NEIL3: variants seen among roughly 807,000 people sequenced by gnomAD.
NEIL3 encodes the protein nei like DNA glycosylase 3, also known as endonuclease 8-like 3.
NEIL3 carries 48 observed loss-of-function variants against 57.5 expected under a neutral mutation model. That is an observed-to-expected ratio of 0.83 (90% CI 0.66 to 1.06). The LOEUF (loss-of-function observed/expected upper bound fraction) is 1.06. NEIL3 is among the 50% of genes least tolerant of loss of function. NEIL3 has a pLI of 0.00. For synonymous variants in NEIL3, 261 were observed against 253.2 expected, an observed-to-expected ratio of 1.03 and a Z score of -0.29; for missense variants, 717 against 739.1, an observed-to-expected ratio of 0.97 and a Z score of 0.35.
chr4:177,358,191 G>T (rs66521171), intron 8 of NEIL3, among the ~76,000 whole-genome samples: 2 of 152,108 alleles, frequency 1.3e-5, no homozygotes, highest in Non-Finnish European at 2.9e-5. Flanking sequence ...CAGGAGTAGG[G>T]GTGGATATGT....
intron 1 of NEIL3, among the ~76,000 whole-genome samples, chr4:177,320,063 A>G (rs963888472): frequency 6.6e-6 from 1 of 152,202 alleles, no homozygotes; most frequent in East Asian, 1.9e-4. Context: ...TGCTTTGTAT[A>G]TCATCATCTT....
At chr4:177,336,077 T>A in intron 3 of NEIL3, 31 bp from the exon 4 acceptor site, 1 of 1,520,868 alleles carries the variant, frequency 6.6e-7, no homozygotes, top group South Asian at 1.1e-5. Flanking sequence ...ACCAGACTTA[T>A]GATTAATGTG....
At chr4:177,317,890 AC>A (rs1402635948) in intron 1 of NEIL3, among the ~76,000 whole-genome samples, 1 of 151,982 alleles carries the variant, frequency 6.6e-6, no homozygotes, top group Non-Finnish European at 1.5e-5. Context: ...GTGCCTGGCC[AC>A]CATGGTTAGA....
At chr4:177,311,792 A>G (rs1734479643) in intron 1 of NEIL3, among the ~76,000 whole-genome samples, 2 of 151,984 alleles carry the variant, frequency 1.3e-5, no homozygotes, top group South Asian at 4.1e-4. Flanking sequence ...CCTCTCATTT[A>G]GGAGTCGACT....
At chr4:177,320,627 G>A (rs1447536436) in intron 1 of NEIL3, among the ~76,000 whole-genome samples, 1 of 151,070 alleles carries the variant, frequency 6.6e-6, no homozygotes, top group Admixed American at 6.6e-5. Flanking sequence ...ACAGGCGCCC[G>A]CCACCATGCC....
At chr4:177,342,590 CAAAG>C (rs1342740087) in intron 6 of NEIL3, among the ~76,000 whole-genome samples, 3 of 151,972 alleles carry the variant, frequency 2.0e-5, no homozygotes, top group African/African-American at 7.3e-5. Context: ...GGGAAGATCT[CAAAG>C]AAAGCGTCAT....
At chr4:177,331,761 T>G (rs967730316) in intron 2 of NEIL3, among the ~76,000 whole-genome samples, 10 of 152,212 alleles carry the variant, frequency 6.6e-5, no homozygotes, top group Non-Finnish European at 7.4e-5. Context: ...GTCATGCCTC[T>G]TCTGTCAGTC....
intron 2 of NEIL3, among the ~76,000 whole-genome samples, chr4:177,329,026 G>A (rs914668881): frequency 3.9e-5 from 6 of 151,968 alleles, no homozygotes; most frequent in Admixed American, 6.6e-5. Flanking sequence ...TTTGCATATC[G>A]TTTGAATATA....
chr4:177,341,871 G>A (rs1201483566), intron 6 of NEIL3, among the ~76,000 whole-genome samples: 4 of 152,142 alleles, frequency 2.6e-5, no homozygotes, highest in African/African-American at 9.7e-5. Context: ...CTGGCTCAGG[G>A]AATAATATCT....
At chr4:177,314,210 G>A (rs917848743) in intron 1 of NEIL3, among the ~76,000 whole-genome samples, 2 of 152,090 alleles carry the variant, frequency 1.3e-5, no homozygotes, top group African/African-American at 4.8e-5. Flanking sequence ...ATCATTATTG[G>A]TATCCAGAAT....
intron 2 of NEIL3, among the ~76,000 whole-genome samples, chr4:177,334,565 G>T (rs1432741052): frequency 6.6e-6 from 1 of 152,096 alleles, no homozygotes; most frequent in Non-Finnish European, 1.5e-5. Context: ...CATGACAGTT[G>T]TACACCTTTC....
At chr4:177,339,173 C>A (rs1578997249) in intron 4 of NEIL3, among the ~76,000 whole-genome samples, 2 of 152,206 alleles carry the variant, frequency 1.3e-5, no homozygotes, top group East Asian at 3.9e-4. Flanking sequence ...AAAAACGTAA[C>A]TACTAATAGC....
At position 177,309,976 on chromosome 4, in the gene NEIL3, C is replaced by T. The variant is rs1195111143; in HGVS notation, c.23C>T (p.Thr8Ile). The T allele has an allele frequency of 6.2e-7, 1 of 1,610,212 alleles. No homozygotes were observed. Among genetic ancestry groups the T allele is most frequent in the Non-Finnish European group, 8.5e-7 (1 of 1,178,638 alleles). Reference protein sequence around the residue: MVEGPGCTLNGEKIRARV... With the variant: MVEGPGCILNGEKIRARV... ...GAGATGGTGGAAGGACCAGGCTGTACTCTGAATGGAGAGAAGATTCGCGCG... is the reference window on the plus strand; with the variant it reads ...GAGATGGTGGAAGGACCAGGCTGTATTCTGAATGGAGAGAAGATTCGCGCG... Residue 8 changes from threonine to isoleucine, a missense_variant, in exon 1 of 10, where the codon ACT (threonine) becomes ATT (isoleucine). Coordinates refer to ENST00000264596, the MANE Select transcript of NEIL3 (RefSeq NM_018248.3).
chr4:177,354,917 A>G (rs1735442763), intron 8 of NEIL3, among the ~76,000 whole-genome samples: 1 of 151,992 alleles, frequency 6.6e-6, no homozygotes, highest in South Asian at 2.1e-4. Context: ...CCAGGAGAAC[A>G]CCCTCATTTT....
At chr4:177,315,091 G>A (rs1734550216) in intron 1 of NEIL3, among the ~76,000 whole-genome samples, 1 of 144,836 alleles carries the variant, frequency 6.9e-6, no homozygotes, top group African/African-American at 2.6e-5. Context: ...AAAAAAAAAT[G>A]TGTTGTTGTA....
In NEIL3 at chr4:177,362,527, T is replaced by G; in HGVS notation, c.*56T>G. 2 of 1,308,280 alleles carry G rather than the reference T, an allele frequency of 1.5e-6. No homozygotes were observed. The highest frequency in any genetic ancestry group is 2.1e-6 in the Non-Finnish European group (2 of 951,818). 81.0% of individuals were successfully genotyped at this position (1,308,280 alleles called of 1,614,324 possible). Reference sequence around the variant, plus strand: ...TCAAACTGTGTATAATGTTTGGTCCTCCTCTGTTTCATAGAAAAGTCATAG... The same window carrying G: ...TCAAACTGTGTATAATGTTTGGTCCGCCTCTGTTTCATAGAAAAGTCATAG... On this transcript the variant is annotated 3_prime_UTR_variant, in exon 10 of 10. Transcript: ENST00000264596.
chr4:177,328,686 G>T (rs1282861139), intron 2 of NEIL3, among the ~76,000 whole-genome samples: 1 of 152,114 alleles, frequency 6.6e-6, no homozygotes, highest in Admixed American at 6.6e-5. Context: ...GTTAAAGTCT[G>T]TCCAGCATAA....
intron 6 of NEIL3, among the ~76,000 whole-genome samples, chr4:177,346,622 C>T (rs1370157595): frequency 2.0e-5 from 3 of 152,182 alleles, no homozygotes; most frequent in Non-Finnish European, 2.9e-5. Flanking sequence ...CTCCTCCCTC[C>T]GTGCATTCCC....
At chr4:177,340,190 C>T (rs1735064167) in intron 5 of NEIL3, among the ~76,000 whole-genome samples, 1 of 152,178 alleles carries the variant, frequency 6.6e-6, no homozygotes, top group Non-Finnish European at 1.5e-5. Flanking sequence ...TTCAGATAAC[C>T]TTAGTTCCAT....
Sources: allele counts gnomAD v4.1 joint callset (sites outside exome capture counted in the v4.1 genomes callset), GRCh38; gene constraint gnomAD v4.1.1; transcripts MANE v1.5; gene names NCBI Gene and HGNC (gene_info 2026-07-23, HGNC 2026-07-21).